The following FITM1 variants were observed in gnomAD, a reference collection of about 807,000 sequenced individuals.
FITM1 encodes fat storage inducing transmembrane protein 1.
In FITM1, 11 loss-of-function variants were observed where a neutral mutation model predicts 22.2. That is an observed-to-expected ratio of 0.50 (90% confidence interval 0.31 to 0.82). The LOEUF (loss-of-function observed/expected upper bound fraction) is 0.82. Among genes scored for constraint, FITM1 ranks in the 40% least tolerant of loss-of-function variants. The pLI is 0.04. For synonymous variants in FITM1, 164 were observed against 174.0 expected (o/e 0.94, Z 0.45); for missense variants, 394 against 386.4 (o/e 1.02, Z -0.17).
rs2037817956 is a variant in FITM1, at chr14:24,131,087, CAGG to C, written c.-474_-472del. On this transcript the variant is annotated 5_prime_UTR_variant, in exon 1 of 2. Coordinates refer to ENST00000267426, the MANE Select transcript of FITM1 (RefSeq NM_203402.3). ...TGGTGGGCTCTTGTGCTCAGAACCC[CAGG>C]AGAAGGGCTAGATCACACTGATAAG... 6.6e-6 allele frequency among the ~76,000 whole-genome samples: 1 copy of C among 152,228 alleles called. No homozygotes were observed. The highest frequency in any genetic ancestry group is 1.5e-5 in the Non-Finnish European group (1 of 68,050).
At position 24,131,424 on chromosome 14, in the gene FITM1, TC is replaced by T; in HGVS notation, c.-135del. Reference sequence around the variant, plus strand: ...GGCCCCTTACTGCCCCCCGCCCCTCTCCCCCACCTGCCAGCTGCCAACAGGG... The same window carrying T: ...GGCCCCTTACTGCCCCCCGCCCCTCTCCCCACCTGCCAGCTGCCAACAGGG... On this transcript the variant is annotated 5_prime_UTR_variant, in exon 1 of 2. An upstream open reading frame in the 5' UTR gains an earlier in-frame stop. Coordinates refer to ENST00000267426, the MANE Select transcript of FITM1 (RefSeq NM_203402.3). 1 of 853,792 alleles carries T rather than the reference TC, an allele frequency of 1.2e-6. No individual in the cohort carries two copies. Among genetic ancestry groups the T allele is most frequent in the Non-Finnish European group, 1.9e-6 (1 of 525,808 alleles). The allele number at this position is 853,792 out of a possible 1,614,324, so 52.9% of individuals were successfully genotyped here. A position where few individuals can be genotyped will look rare whatever the true frequency, so the allele number is the denominator to read the frequency against.
chr14:24,132,792 C>G lies in FITM1; in HGVS notation c.848C>G (p.Pro283Arg). 6.2e-7 allele frequency: 1 copy of G among 1,612,020 alleles called. No individual in the cohort carries two copies. Among genetic ancestry groups the G allele is most frequent in the Non-Finnish European group, 8.5e-7 (1 of 1,179,684 alleles). ...SPGSPGHGLF[P>R]RPHSSRKHN Reference sequence around the variant, plus strand: ...GGGAGCCCAGGCCATGGGCTCTTCCCCCGTCCCCACTCCAGCCGCAAGCAT... The same window carrying G: ...GGGAGCCCAGGCCATGGGCTCTTCCGCCGTCCCCACTCCAGCCGCAAGCAT... Residue 283 changes from proline to arginine, a missense_variant, in exon 2 of 2, where the codon CCC becomes CGC. By Grantham distance (103) the Pro-to-Arg change is moderately radical. Coordinates refer to ENST00000267426, the MANE Select transcript of FITM1 (RefSeq NM_203402.3).
In FITM1 at chr14:24,132,757, C is replaced by T. The variant is rs751572758; in HGVS notation, c.813C>T (p.Pro271=). 2 of 1,613,578 alleles carry T rather than the reference C, an allele frequency of 1.2e-6. No individual in the cohort carries two copies. Among genetic ancestry groups the T allele is most frequent in the Non-Finnish European group, 1.7e-6 (2 of 1,179,922 alleles). Residue 271 remains proline (P), a synonymous_variant, in exon 2 of 2, where the codon CCC becomes CCT. Coordinates refer to ENST00000267426, the MANE Select transcript of FITM1 (RefSeq NM_203402.3). The stretch of plus-strand genomic sequence containing the variant: ...CCTATGGCAGCTGGTATCATCAGCC[C>T]TGGTCTCCAGGGAGCCCAGGCCATG... ...YLTYGSWYHQ[P]WSPGSPGHGL...
chr14:24,132,815 C>CT lies in FITM1; in HGVS notation c.871_872insT (p.His291LeufsTer2). On this transcript the variant is annotated frameshift_variant, in exon 2 of 2. Transcript: ENST00000267426. LOFTEE classifies it high-confidence loss of function. ...CCCCCGTCCCCACTCCAGCCGCAAGCATAACTGAAAGAAATAAAAACCATC... is the reference window on the plus strand; with the variant it reads ...CCCCCGTCCCCACTCCAGCCGCAAGCTATAACTGAAAGAAATAAAAACCATC... 6.2e-7 allele frequency: 1 copy of CT among 1,606,790 alleles called. No individual in the cohort carries two copies. The highest frequency in any genetic ancestry group is 8.5e-7 in the Non-Finnish European group (1 of 1,178,746).
chr14:24,131,668 G>C lies in FITM1; in HGVS notation c.105G>C (p.Leu35Phe). 1 of 1,614,044 alleles carries C rather than the reference G, an allele frequency of 6.2e-7. No homozygotes were observed. Among genetic ancestry groups the C allele is most frequent in the Non-Finnish European group, 8.5e-7 (1 of 1,180,046 alleles). ...TGCTGCTCTGGGTGGCCTCTGCCTTGCTGTACTTTGGAAGCGAACAGGCCG... is the reference window on the plus strand; with the variant it reads ...TGCTGCTCTGGGTGGCCTCTGCCTTCCTGTACTTTGGAAGCGAACAGGCCG... ...LKVLLWVASA[L>F]LYFGSEQAAR... The change falls in exon 1 of 2, where the codon TTG becomes TTC. Residue 35 changes from leucine (L) to phenylalanine (F), a missense_variant. Coordinates refer to ENST00000267426, the MANE Select transcript of FITM1 (RefSeq NM_203402.3).
In FITM1 at chr14:24,131,745, C is replaced by T; in HGVS notation, c.182C>T (p.Ala61Val). 6.2e-7 allele frequency: 1 copy of T among 1,614,048 alleles called. No individual in the cohort carries two copies. The highest frequency in any genetic ancestry group is 8.5e-7 in the Non-Finnish European group (1 of 1,179,992). ...CLRRLYHAWL[A>V]AVVIFGPLLQ... is the part of the protein sequence containing the mutation. ...CGGCGCCTCTACCATGCCTGGCTGGCAGCAGTGGTCATCTTTGGGCCGCTT... is the reference window on the plus strand; with the variant it reads ...CGGCGCCTCTACCATGCCTGGCTGGTAGCAGTGGTCATCTTTGGGCCGCTT... Residue 61 changes from alanine to valine, a missense_variant, in exon 1 of 2, where the codon GCA becomes GTA. By Grantham distance (64) the Ala-to-Val change is moderately conservative (BLOSUM62 0). Transcript: ENST00000267426.
Position 24,132,401 on chromosome 14 carries a change from T to G in FITM1, c.457T>G (p.Phe153Val). The G allele has an allele frequency of 6.2e-7, 1 of 1,610,972 alleles. No individual in the cohort carries two copies. Among genetic ancestry groups the G allele is most frequent in the African/African-American group, 1.3e-5 (1 of 75,036 alleles). ...LLIEDLTGSC[F>V]EPLPQGLLLH... Reference sequence around the variant, plus strand: ...CATCGAGGACCTGACTGGCTCCTGCTTCGAGCCACTGCCCCAGGGTCTGCT... The same window carrying G: ...CATCGAGGACCTGACTGGCTCCTGCGTCGAGCCACTGCCCCAGGGTCTGCT... The change falls in exon 2 of 2, where the codon TTC becomes GTC. Residue 153 changes from phenylalanine to valine, a missense_variant. Phe to Val is a conservative substitution (Grantham distance 50). Coordinates refer to ENST00000267426, the MANE Select transcript of FITM1 (RefSeq NM_203402.3).
rs778215890 is a variant in FITM1, at chr14:24,131,596, G to A, written c.33G>A (p.Leu11=). The A allele has an allele frequency of 6.2e-7, 1 of 1,604,010 alleles. No homozygotes were observed. Among genetic ancestry groups the A allele is most frequent in the South Asian group, 1.1e-5 (1 of 90,086 alleles). The change falls in exon 1 of 2, where the codon CTG becomes CTA. Residue 11 remains leucine, a synonymous_variant. Coordinates refer to ENST00000267426, the MANE Select transcript of FITM1 (RefSeq NM_203402.3). ...GGGGGCCGGTGGTGGGGGCAGGACT[G>A]GGGGCCGGGGCCCGAATCCAGGCAC... The part of the protein sequence containing the change: MERGPVVGAG[L]GAGARIQALL...
chr14:24,132,575 G>A lies in FITM1; in HGVS notation c.631G>A (p.Gly211Arg). 1 of 1,608,914 alleles carries A rather than the reference G, an allele frequency of 6.2e-7. No homozygotes were observed. Among genetic ancestry groups the A allele is most frequent in the Non-Finnish European group, 8.5e-7 (1 of 1,180,016 alleles). The change falls in exon 2 of 2, where the codon GGG (glycine) becomes AGG (arginine). Residue 211 changes from glycine to arginine, a missense_variant. By Grantham distance (125) the Gly-to-Arg change is moderately radical. Coordinates refer to ENST00000267426, the MANE Select transcript of FITM1 (RefSeq NM_203402.3). ...TGTGTTCGCCAAGTACCTGGCCCAT[G>A]GGCTTCCTGCCGGCGCCCCACTGCG... Reference protein sequence around the residue: ...AAVFAKYLAHGLPAGAPLRLV... With the variant: ...AAVFAKYLAHRLPAGAPLRLV...
At chr14:24,132,113 G>A in intron 1 of FITM1, 98 bp from the exon 2 acceptor site, 1 of 1,506,780 alleles carries the variant, frequency 6.6e-7, no homozygotes, top group African/African-American at 1.4e-5. Flanking sequence ...GAGAACGAGT[G>A]ATGATGTGTA....
Position 24,131,707 on chromosome 14 carries a change from C to A in FITM1, c.144C>A (p.Gly48=). ...FGSEQAARLL[G]SPCLRRLYHA... ...GCGAACAGGCCGCCCGCCTTCTGGG[C>A]AGCCCCTGCTTACGGCGCCTCTACC... is the stretch of plus-strand genomic sequence containing the variant. The change falls in exon 1 of 2, where the codon GGC becomes GGA. Residue 48 remains glycine, a synonymous_variant. Transcript: ENST00000267426. 1 of 1,614,192 alleles carries A rather than the reference C, an allele frequency of 6.2e-7. No individual in the cohort carries two copies. The highest frequency in any genetic ancestry group is 1.3e-5 in the African/African-American group (1 of 75,074).
rs1464038539 is a variant in FITM1, at chr14:24,132,539, G to A, written c.595G>A (p.Glu199Lys). 6.2e-7 allele frequency: 1 copy of A among 1,605,136 alleles called. No individual in the cohort carries two copies. Among genetic ancestry groups the A allele is most frequent in the Non-Finnish European group, 8.5e-7 (1 of 1,179,990 alleles). ...LLTFCCLLMAEEAAVFAKYLA... is the reference protein window; with the variant it reads ...LLTFCCLLMAKEAAVFAKYLA... ...CACCTTTTGCTGCCTGCTCATGGCA[G>A]AGGAAGCAGCTGTGTTCGCCAAGTA... Residue 199 changes from glutamate (E) to lysine (K), a missense_variant, in exon 2 of 2, where the codon GAG (glutamate) becomes AAG (lysine). Coordinates refer to ENST00000267426, the MANE Select transcript of FITM1 (RefSeq NM_203402.3).
Position 24,132,476 on chromosome 14 carries a change from T to C in FITM1, c.532T>C (p.Trp178Arg). Residue 178 changes from tryptophan (W) to arginine (R), a missense_variant, in exon 2 of 2, where the codon TGG becomes CGG. Physicochemically the swap from Trp to Arg is moderately radical, Grantham distance 101. Transcript: ENST00000267426. Reference protein sequence around the residue: ...RRSCLAAGHQWRGYTVSSHTF... With the variant: ...RRSCLAAGHQRRGYTVSSHTF... ...CAGCTGCCTGGCAGCCGGCCACCAG[T>C]GGCGAGGCTACACCGTCTCCTCCCA... 2 of 1,604,598 alleles carry C rather than the reference T, an allele frequency of 1.2e-6. No individual in the cohort carries two copies. Among genetic ancestry groups the C allele is most frequent in the Non-Finnish European group, 1.7e-6 (2 of 1,179,962 alleles).
chr14:24,131,554 G>T lies in FITM1; in HGVS notation c.-10G>T. 6.4e-7 allele frequency: 1 copy of T among 1,559,614 alleles called. No homozygotes were observed. ...AGCAAAGCAAGCAGTTAGTGGGGAG[G>T]GGAGGGAACATGGAGCGGGGGCCGG... On this transcript the variant is annotated 5_prime_UTR_variant, in exon 1 of 2. Transcript: ENST00000267426.
At position 24,130,867 on chromosome 14, in the gene FITM1, C is replaced by T. The variant is rs117770810; in HGVS notation, c.-697C>T. ...GGGATCTGAGGGTCAACGTGATCAACAGATGAAACCGCCAGTTTATACAGC... is the reference window on the plus strand; with the variant it reads ...GGGATCTGAGGGTCAACGTGATCAATAGATGAAACCGCCAGTTTATACAGC... On this transcript the variant is annotated 5_prime_UTR_variant, in exon 1 of 2. Transcript: ENST00000267426. 6.8e-4 allele frequency among the ~76,000 whole-genome samples: 103 copies of T among 152,352 alleles called. No homozygotes were observed. The highest frequency in any genetic ancestry group is 1.3e-3 in the Non-Finnish European group (88 of 68,038).
Position 24,131,707 on chromosome 14 carries a change from C to T in FITM1, c.144C>T (p.Gly48=). The part of the protein sequence containing the change: ...FGSEQAARLL[G]SPCLRRLYHA... ...GCGAACAGGCCGCCCGCCTTCTGGG[C>T]AGCCCCTGCTTACGGCGCCTCTACC... is the stretch of plus-strand genomic sequence containing the variant. Residue 48 remains glycine (G), a synonymous_variant, in exon 1 of 2, where the codon GGC becomes GGT. Transcript: ENST00000267426. 2 of 1,614,192 alleles carry T rather than the reference C, an allele frequency of 1.2e-6. No homozygotes were observed. Among genetic ancestry groups the T allele is most frequent in the Non-Finnish European group, 8.5e-7 (1 of 1,180,038 alleles).
Position 24,132,133 on chromosome 14 carries a change from A to T in FITM1, c.267-78A>T, listed in dbSNP as rs1291394970. 3.4e-5 allele frequency: 53 copies of T among 1,559,270 alleles called. No individual in the cohort carries two copies. The South Asian group carries it at 4.3e-4, about 13-fold the overall frequency. ...CGAGTGATGATGTGTAGGGTTGGGG[A>T]GAGTGCAGTGATGGGAGCACAGACC... On this transcript the variant is annotated intron_variant, in intron 1 of 1. Transcript: ENST00000267426.
At position 24,131,577 on chromosome 14, in the gene FITM1, C is replaced by G; in HGVS notation, c.14C>G (p.Pro5Arg). The stretch of plus-strand genomic sequence containing the variant: ...AGGGGAGGGAACATGGAGCGGGGGC[C>G]GGTGGTGGGGGCAGGACTGGGGGCC... MERG[P>R]VVGAGLGAGA... The change falls in exon 1 of 2, where the codon CCG becomes CGG. Residue 5 changes from proline to arginine, a missense_variant. Pro to Arg is a moderately radical substitution (Grantham distance 103). Coordinates refer to ENST00000267426, the MANE Select transcript of FITM1 (RefSeq NM_203402.3). The G allele has an allele frequency of 7.3e-7, 1 of 1,366,060 alleles. No individual in the cohort carries two copies. The highest frequency in any genetic ancestry group is 1.0e-6 in the Non-Finnish European group (1 of 982,226). 84.6% of individuals were successfully genotyped at this position (1,366,060 alleles called of 1,614,324 possible).
rs1284391368 is a variant in FITM1, at chr14:24,131,442, C to T, written c.-122C>T. Reference sequence around the variant, plus strand: ...GCCCCTCTCCCCCACCTGCCAGCTGCCAACAGGGCTCTGCCTTGTGTCTGC... The same window carrying T: ...GCCCCTCTCCCCCACCTGCCAGCTGTCAACAGGGCTCTGCCTTGTGTCTGC... On this transcript the variant is annotated 5_prime_UTR_variant, in exon 1 of 2. Coordinates refer to ENST00000267426, the MANE Select transcript of FITM1 (RefSeq NM_203402.3). 9.9e-7 allele frequency: 1 copy of T among 1,015,156 alleles called. No homozygotes were observed. Among genetic ancestry groups the T allele is most frequent in the Non-Finnish European group, 1.5e-6 (1 of 671,228 alleles). The allele number at this position is 1,015,156 out of a possible 1,614,324, so 62.9% of individuals were successfully genotyped here.
Sources: allele counts gnomAD v4.1 joint callset (sites outside exome capture counted in the v4.1 genomes callset), GRCh38; gene constraint gnomAD v4.1.1; transcripts MANE v1.5; gene names NCBI Gene and HGNC (gene_info 2026-07-23, HGNC 2026-07-21).